Variants in ERGIC1 observed in about 807,000 individuals in gnomAD.
The protein encoded by ERGIC1 is endoplasmic reticulum-Golgi intermediate compartment protein 1.
ERGIC1 carries 19 observed loss-of-function variants against 38.3 expected under a neutral mutation model. The observed-to-expected ratio is 0.50, with a 90% CI of 0.35 to 0.73. The LOEUF is 0.73. ERGIC1 is among the 30% of genes least tolerant of loss of function. The pLI is 0.01. For synonymous variants in ERGIC1, 124 were observed against 157.6 expected (o/e 0.79, Z 1.60); for missense variants, 294 against 389.2 (o/e 0.76, Z 2.06).
intron 4 of ERGIC1, among the ~76,000 whole-genome samples, chr5:172,913,543 C>T (rs879269102): frequency 1.2e-4 from 18 of 152,230 alleles, no homozygotes; most frequent in Non-Finnish European, 1.6e-4. Context: ...CTGTCCTCAT[C>T]GAGGAACACA....
At chr5:172,845,937 C>T (rs1477340099) in intron 1 of ERGIC1, among the ~76,000 whole-genome samples, 2 of 152,118 alleles carry the variant, frequency 1.3e-5, no homozygotes, top group Non-Finnish European at 2.9e-5. Context: ...GGCAGTTTCT[C>T]GGTCGGTCCC....
chr5:172,949,409 G>C (rs1764185322), intron 9 of ERGIC1, among the ~76,000 whole-genome samples: 1 of 152,212 alleles, frequency 6.6e-6, no homozygotes, highest in African/African-American at 2.4e-5. Context: ...GCCTAGGGTT[G>C]AGCTGGGGAT....
At position 172,888,895 on chromosome 5, in the gene ERGIC1, G is replaced by A. The variant is rs185686423; in HGVS notation, c.82+135G>A. On this transcript the variant is annotated intron_variant, in intron 2 of 9. Coordinates refer to ENST00000393784, the MANE Select transcript of ERGIC1 (RefSeq NM_001031711.3). ...AGGAAAGAAATGCTGAGCATCTTGC[G>A]GGGGCCCTTCAAGCATTTCCTCACT... 223 of 837,910 alleles carry A rather than the reference G, an allele frequency of 2.7e-4. 1 individual carries two copies. The African/African-American group carries it at 3.0e-3, about 11-fold the overall frequency. 51.9% of individuals were successfully genotyped at this position (837,910 alleles called of 1,614,324 possible).
chr5:172,894,046 A>ATT (rs1308701459), intron 2 of ERGIC1, among the ~76,000 whole-genome samples: 2 of 100,372 alleles, frequency 2.0e-5, no homozygotes, highest in African/African-American at 7.3e-5. Context: ...ATACAGCTGG[A>ATT]TTTTTTTTTT....
At chr5:172,914,254 A>AAAATAAAAAT (rs1554112480) in intron 4 of ERGIC1, among the ~76,000 whole-genome samples, 1 of 131,240 alleles carries the variant, frequency 7.6e-6, no homozygotes, top group Non-Finnish European at 1.6e-5. Context: ...AAAAAAAAAA[A>AAAATAAAAAT]AAATACAAAG....
At chr5:172,947,569 G>T (rs763743984) in intron 9 of ERGIC1, among the ~76,000 whole-genome samples, 3 of 152,208 alleles carry the variant, frequency 2.0e-5, no homozygotes, top group Non-Finnish European at 4.4e-5. Flanking sequence ...TTCAACAGAT[G>T]CGGGGTGATG....
In ERGIC1 at chr5:172,910,135, C is replaced by G. The variant is rs1763170199; in HGVS notation, c.250+374C>G. On this transcript the variant is annotated intron_variant, in intron 4 of 9. Coordinates refer to ENST00000393784, the MANE Select transcript of ERGIC1 (RefSeq NM_001031711.3). ...GACAGGATAAGCAAAGATGTGTGTT[C>G]AGCTGAAGTCCAAACTCAGCCTGAT... Among the ~76,000 whole-genome samples the G allele has an allele frequency of 2.6e-5, 4 of 152,150 alleles. No homozygotes were observed. In the South Asian group the frequency reaches 6.2e-4, roughly 24 times the overall value.
intron 1 of ERGIC1, among the ~76,000 whole-genome samples, chr5:172,857,034 C>G (rs1472971253): frequency 6.6e-6 from 1 of 152,162 alleles, no homozygotes; most frequent in Admixed American, 6.5e-5. Context: ...AATTCAAGAG[C>G]TTTTTGAAAA....
At chr5:172,892,075 T>TTG (rs1561720710) in intron 2 of ERGIC1, among the ~76,000 whole-genome samples, 16 of 149,428 alleles carry the variant, frequency 1.1e-4, no homozygotes, top group African/African-American at 3.9e-4. Context: ...TTTTTTTTTT[T>TTG]TTTTTTTTTT....
Position 172,951,802 on chromosome 5 carries a change from A to G in ERGIC1, c.*986A>G, listed in dbSNP as rs958313646. On this transcript the variant is annotated 3_prime_UTR_variant, in exon 10 of 10. Transcript: ENST00000393784. Reference sequence around the variant, plus strand: ...TCATGCAGCCTCTCAGACGGACGCCATCGGTCCCAAGGCCTTAGGTGGAGG... The same window carrying G: ...TCATGCAGCCTCTCAGACGGACGCCGTCGGTCCCAAGGCCTTAGGTGGAGG... 3 of 152,412 alleles carry G rather than the reference A, an allele frequency of 2.0e-5. No homozygotes were observed. Among genetic ancestry groups the G allele is most frequent in the Non-Finnish European group, 4.4e-5 (3 of 68,172 alleles). The allele number at this position is 152,412 out of a possible 1,614,324, so 9.4% of individuals were successfully genotyped here.
intron 1 of ERGIC1, among the ~76,000 whole-genome samples, chr5:172,858,070 G>A (rs929611792): frequency 2.6e-5 from 4 of 152,176 alleles, no homozygotes; most frequent in Non-Finnish European, 4.4e-5. Flanking sequence ...AGAAAAGCAG[G>A]GGGCTGTGAG....
At chr5:172,899,311 CTTTTTTTTT>C (rs34478179) in intron 3 of ERGIC1, among the ~76,000 whole-genome samples, 21 of 82,854 alleles carry the variant, frequency 2.5e-4, no homozygotes, top group African/African-American at 8.7e-4. Context: ...GGAGTTACTT[CTTTTTTTTT>C]TTTTTTTTTT....
intron 2 of ERGIC1, among the ~76,000 whole-genome samples, chr5:172,893,455 C>G (rs1191231944): frequency 6.6e-6 from 1 of 152,064 alleles, no homozygotes; most frequent in Non-Finnish European, 1.5e-5. Context: ...GCAACACTCC[C>G]TATTTTGTGC....
intron 1 of ERGIC1, among the ~76,000 whole-genome samples, chr5:172,850,248 TAACCCTG>T (rs2113029111): frequency 6.6e-6 from 1 of 152,320 alleles, no homozygotes; most frequent in South Asian, 2.1e-4. Flanking sequence ...AGAGCTGAGT[TAACCCTG>T]AGTCAAAGGA....
chr5:172,890,389 C>T (rs1018641012), intron 2 of ERGIC1, among the ~76,000 whole-genome samples: 1 of 152,170 alleles, frequency 6.6e-6, no homozygotes, highest in Non-Finnish European at 1.5e-5. Flanking sequence ...GTTCCTGGAA[C>T]AGAAATCTGG....
At chr5:172,939,967 T>G (rs925148212) in intron 9 of ERGIC1, among the ~76,000 whole-genome samples, 29 of 152,250 alleles carry the variant, frequency 1.9e-4, no homozygotes, top group South Asian at 4.1e-4. Flanking sequence ...TTTCTCTCTT[T>G]TTAAAAATCA....
In ERGIC1 at chr5:172,891,282, C is replaced by A. The variant is rs571041852; in HGVS notation, c.82+2522C>A. Among the ~76,000 whole-genome samples the A allele has an allele frequency of 2.6e-4, 40 of 152,218 alleles. 1 individual carries two copies. The South Asian group carries it at 8.3e-3, about 32-fold the overall frequency. ...GGAAAGAGCCTTGGTAGTTTATGAA[C>A]CTGATCCAAAAAAATCAAATGAGGC... is the stretch of plus-strand genomic sequence containing the variant. On this transcript the variant is annotated intron_variant, in intron 2 of 9. Transcript: ENST00000393784.
chr5:172,900,795 G>A (rs904213041), intron 3 of ERGIC1, among the ~76,000 whole-genome samples: 1 of 152,170 alleles, frequency 6.6e-6, no homozygotes, highest in African/African-American at 2.4e-5. Flanking sequence ...CGGCTGGAGA[G>A]AGGGAGGGAG....
rs1761295007 is a variant in ERGIC1 at position 172,846,994 on chromosome 5, T to C, written c.20+12561T>C. The stretch of plus-strand genomic sequence containing the variant: ...TTTGTGTTAGCCTAAGTCAGCTAAT[T>C]CCTATAAACAACCTGCAGATCTCAG... On this transcript the variant is annotated intron_variant, in intron 1 of 9. Coordinates refer to ENST00000393784, the MANE Select transcript of ERGIC1 (RefSeq NM_001031711.3). This position sits in a 1 kb window ranked among gnomAD's most constrained non-coding sequence, Gnocchi z 4.0. Among the ~76,000 whole-genome samples the C allele has an allele frequency of 6.6e-6, 1 of 152,208 alleles. No individual in the cohort carries two copies. The highest frequency in any genetic ancestry group is 2.1e-4 in the South Asian group (1 of 4,834).
Sources: gnomAD v4.1 joint callset for allele counts (sites outside exome capture counted in the v4.1 genomes callset) on GRCh38, gnomAD v4.1.1 for gene constraint, Gnocchi (gnomAD v3.1) non-coding constraint, MANE v1.5 for transcripts, NCBI Gene and HGNC (gene_info 2026-07-23, HGNC 2026-07-21) for gene names.